LRP1B: variants seen among roughly 807,000 people sequenced by gnomAD.
LRP1B encodes LDL receptor related protein 1B.
Under a neutral mutation model 556.6 loss-of-function variants are expected in LRP1B, and 217 were observed. That is an observed-to-expected ratio of 0.39 (90% CI 0.35 to 0.44). The LOEUF is 0.44. Among genes scored for constraint, LRP1B ranks in the 20% least tolerant of loss-of-function variants. The pLI is 1.00. For missense variants in LRP1B, 5,053 were observed against 5,620.8 expected (o/e 0.90, Z 3.23); for synonymous variants, 2,047 against 1,865.8 (o/e 1.10, Z -2.50).
chr2:140,284,246 T>A (rs1683030357), intron 84 of LRP1B, among the ~76,000 whole-genome samples: 2 of 151,606 alleles, frequency 1.3e-5, no homozygotes, highest in South Asian at 4.1e-4. Flanking sequence ...GCTAACATAG[T>A]TGAAAACAAT....
intron 2 of LRP1B, among the ~76,000 whole-genome samples, chr2:141,761,482 A>G (rs1006907631): frequency 1.3e-5 from 2 of 152,176 alleles, no homozygotes; most frequent in Non-Finnish European, 2.9e-5. Flanking sequence ...TAAGAAAAAA[A>G]TTTTAATTTC....
chr2:140,951,297 TAAC>T (rs1290153525), intron 19 of LRP1B, among the ~76,000 whole-genome samples: 3 of 152,276 alleles, frequency 2.0e-5, no homozygotes, highest in Non-Finnish European at 4.4e-5. Context: ...TATTCTTTAT[TAAC>T]AACCATTTCG....
At chr2:141,436,486 T>A (rs1219734846) in intron 3 of LRP1B, among the ~76,000 whole-genome samples, 1 of 152,172 alleles carries the variant, frequency 6.6e-6, no homozygotes, top group African/African-American at 2.4e-5. Context: ...TGAATAAATA[T>A]CTCTATTTGC....
intron 1 of LRP1B, among the ~76,000 whole-genome samples, chr2:141,884,029 T>C (rs1339052672): frequency 6.6e-6 from 1 of 152,194 alleles, no homozygotes; most frequent in Non-Finnish European, 1.5e-5. Context: ...TAAACATTTA[T>C]ATTTTGCATT....
intron 6 of LRP1B, among the ~76,000 whole-genome samples, chr2:141,225,365 C>T (rs1683205666): frequency 6.6e-6 from 1 of 152,108 alleles, no homozygotes. Context: ...GAATCATTTT[C>T]CTTAATAAGA....
chr2:140,385,371 T>C (rs1254036872), intron 67 of LRP1B, among the ~76,000 whole-genome samples: 2 of 152,206 alleles, frequency 1.3e-5, no homozygotes, highest in Non-Finnish European at 2.9e-5. Context: ...ATTTATTATA[T>C]AAAATGGAGA....
At chr2:141,547,853 T>C (rs1420540996) in intron 2 of LRP1B, among the ~76,000 whole-genome samples, 2 of 151,426 alleles carry the variant, frequency 1.3e-5, no homozygotes, top group East Asian at 3.8e-4. Context: ...GTGGGCCTTA[T>C]TGTCTAGTAG....
intron 22 of LRP1B, 72 bp from the exon 23 acceptor site, chr2:140,903,237 C>A: frequency 6.6e-7 from 1 of 1,506,700 alleles, no homozygotes; most frequent in African/African-American, 1.4e-5. Context: ...TCATTGAACT[C>A]AATTCTCTAA....
At chr2:140,813,909 A>G (rs1408942122) in intron 31 of LRP1B, 103 bp from the exon 32 acceptor site, 1 of 811,956 alleles carries the variant, frequency 1.2e-6, no homozygotes, top group Non-Finnish European at 2.0e-6. Flanking sequence ...TTGAAAGTTC[A>G]GATTTTTGTC....
chr2:140,713,547 G>A (rs1284569265), intron 37 of LRP1B, among the ~76,000 whole-genome samples: 1 of 152,018 alleles, frequency 6.6e-6, no homozygotes, highest in African/African-American at 2.4e-5. Context: ...TCTGTATGTT[G>A]TTTGAGGCCA....
intron 7 of LRP1B, among the ~76,000 whole-genome samples, chr2:141,096,143 C>T (rs1353506573): frequency 6.6e-6 from 1 of 152,070 alleles, no homozygotes. Context: ...TATTATACTT[C>T]CCCATGCCAA....
Position 140,799,371 on chromosome 2 carries a change from G to C in LRP1B, c.5359+14286C>G, listed in dbSNP as rs932191979. ...TGATGTGTAAGAACCCGTCAAGAAG[G>C]CTATAAAGCAGGAAGAGAGCCCTCA... is the stretch of plus-strand genomic sequence containing the variant. On this transcript the variant is annotated intron_variant, in intron 32 of 90. Transcript: ENST00000389484. Among the ~76,000 whole-genome samples the C allele has an allele frequency of 1.4e-4, 21 of 152,156 alleles. No homozygotes were observed. The East Asian group carries it at 2.3e-3, about 17-fold the overall frequency.
intron 3 of LRP1B, among the ~76,000 whole-genome samples, chr2:141,274,944 C>G (rs748686007): frequency 6.6e-6 from 1 of 152,070 alleles, no homozygotes; most frequent in Non-Finnish European, 1.5e-5. Context: ...ATTACCCAAG[C>G]AACTTTTCTC....
chr2:142,093,498 G>A (rs1035804630), intron 1 of LRP1B, among the ~76,000 whole-genome samples: 4 of 152,198 alleles, frequency 2.6e-5, no homozygotes, highest in African/African-American at 7.2e-5. Context: ...TGATAGGCAA[G>A]ATAAAATACA....
chr2:140,501,666 C>A, intron 55 of LRP1B, 21 bp downstream of exon 55: 1 of 1,540,946 alleles, frequency 6.5e-7, no homozygotes, highest in Admixed American at 1.9e-5. Flanking sequence ...GTATGATTTG[C>A]TACTTTTGAT....
chr2:140,878,280 T>C (rs1038889401), intron 25 of LRP1B, among the ~76,000 whole-genome samples: 3 of 152,136 alleles, frequency 2.0e-5, no homozygotes, highest in African/African-American at 7.2e-5. Flanking sequence ...CCAGAGGACA[T>C]TTATAAAATT....
At chr2:141,512,174 T>C (rs1684154865) in intron 2 of LRP1B, among the ~76,000 whole-genome samples, 1 of 152,090 alleles carries the variant, frequency 6.6e-6, no homozygotes, top group African/African-American at 2.4e-5. Flanking sequence ...TCATGACAAA[T>C]AGGTAAAATT....
At chr2:141,187,856 G>T (rs1245248185) in intron 7 of LRP1B, among the ~76,000 whole-genome samples, 1 of 150,762 alleles carries the variant, frequency 6.6e-6, no homozygotes, top group Admixed American at 6.6e-5. Flanking sequence ...AAAAAAAAAA[G>T]AAGATGAATT....
intron 76 of LRP1B, 98 bp from the exon 77 acceptor site, chr2:140,351,136 A>C: frequency 2.4e-6 from 2 of 831,554 alleles, no homozygotes; most frequent in South Asian, 3.9e-5. Flanking sequence ...TATTATTCTT[A>C]ATACAGTTTT....
Sources: gnomAD v4.1 joint callset for allele counts (sites outside exome capture counted in the v4.1 genomes callset) on GRCh38, gnomAD v4.1.1 for gene constraint, MANE v1.5 for transcripts, NCBI Gene and HGNC (gene_info 2026-07-23, HGNC 2026-07-21) for gene names.